Variants in BICDL2 observed in about 807,000 individuals in gnomAD.
BICDL2 encodes the protein BICD family like cargo adaptor 2.
Under a neutral mutation model 56.6 loss-of-function variants are expected in BICDL2, and 62 were observed. The ratio of observed to expected loss-of-function variants is 1.10; its 90% CI spans 0.89 to 1.35. The LOEUF (loss-of-function observed/expected upper bound fraction) is 1.35, where lower values mean the gene tolerates loss of function less well. Among genes scored for constraint, BICDL2 ranks in the 40% most tolerant of loss-of-function variants. The pLI, the probability that BICDL2 is intolerant of heterozygous loss-of-function variation, is 0.00. For missense variants in BICDL2, 808 were observed against 684.5 expected, an observed-to-expected ratio of 1.18 and a Z score of -2.01; for synonymous variants, 358 against 319.8, an observed-to-expected ratio of 1.12 and a Z score of -1.27.
intron 2 of BICDL2, chr16:3,031,708 C>A (rs924326940): frequency 2.0e-5 from 8 of 397,258 alleles, no homozygotes; most frequent in African/African-American, 1.2e-4. Flanking sequence ...CTGGCCCACT[C>A]TCTCTAGGCC....
chr16:3,036,303 G>C (rs1419480147), intron 1 of BICDL2: 1 of 451,884 alleles, frequency 2.2e-6, no homozygotes, highest in Non-Finnish European at 4.4e-6. Context: ...GCCGCAGCGC[G>C]GCTCGGAGTT....
chr16:3,030,174 G>A, intron 5 of BICDL2: 2 of 502,144 alleles, frequency 4.0e-6, no homozygotes, highest in East Asian at 3.3e-5. Context: ...TCTCCATTGC[G>A]CAGCCGTGGT....
chr16:3,036,424 A>G, intron 1 of BICDL2: 1 of 455,372 alleles, frequency 2.2e-6, no homozygotes, highest in Non-Finnish European at 4.4e-6. Context: ...CAACAGCTTT[A>G]CCAGCCCCAG....
intron 5 of BICDL2, 40 bp from the exon 6 acceptor site, chr16:3,029,779 G>T: frequency 6.9e-7 from 1 of 1,442,726 alleles, no homozygotes; most frequent in Non-Finnish European, 9.1e-7. Context: ...GGCGGTCAGC[G>T]GGACGCACGC....
At chr16:3,035,583 G>A (rs1955723946) in intron 1 of BICDL2, 57 bp from the exon 2 acceptor site, 3 of 1,447,760 alleles carry the variant, frequency 2.1e-6, no homozygotes, top group Non-Finnish European at 2.8e-6. Context: ...CCAGCACCTG[G>A]CCCTCCAGGA....
intron 1 of BICDL2, chr16:3,036,197 C>T (rs1460656724): frequency 2.3e-6 from 1 of 440,696 alleles, no homozygotes; most frequent in South Asian, 1.6e-5. Flanking sequence ...CCCACCCCTC[C>T]GGACTCAGGA....
intron 1 of BICDL2, 43 bp downstream of exon 1, chr16:3,036,851 C>T: frequency 3.3e-6 from 1 of 306,106 alleles, no homozygotes; most frequent in African/African-American, 2.4e-5. Context: ...AGGCCCTCCC[C>T]AGGCTCGAGG....
intron 5 of BICDL2, 69 bp from the exon 6 acceptor site, chr16:3,029,808 C>A: frequency 7.5e-7 from 1 of 1,339,122 alleles, no homozygotes; most frequent in Non-Finnish European, 9.9e-7. Context: ...CATCCCGCGG[C>A]AGGTCCACAC....
At chr16:3,033,260 G>A (rs1338722490) in intron 2 of BICDL2, among the ~76,000 whole-genome samples, 3 of 152,222 alleles carry the variant, frequency 2.0e-5, no homozygotes, top group African/African-American at 4.8e-5. Context: ...AGCCAAGATC[G>A]CACCACTGCA....
Position 3,030,468 on chromosome 16 carries a change from C to T in BICDL2, c.743G>A (p.Arg248Gln), listed in dbSNP as rs752841656. 45 of 1,602,162 alleles carry T rather than the reference C, an allele frequency of 2.8e-5. No individual in the cohort carries two copies. Among genetic ancestry groups the T allele is most frequent in the Admixed American group, 2.7e-4 (16 of 59,814 alleles). The stretch of plus-strand genomic sequence containing the variant: ...GGTCACCTCCAGGCTGTGCTCCCGC[C>T]GCTCCCGCCTCAGCAGCAGCAACTC... Reference protein sequence around the residue: ...HEELLLLRRERREHSLELERA... With the variant: ...HEELLLLRREQREHSLELERA... Residue 248 changes from arginine to glutamine, a missense_variant, in exon 5 of 10, where the codon CGG (arginine) becomes CAG (glutamine). Coordinates refer to ENST00000572449, the MANE Select transcript of BICDL2 (RefSeq NM_001369667.1).
chr16:3,034,670 T>TTCCTTCCG (rs1259758622), intron 2 of BICDL2, among the ~76,000 whole-genome samples: 1 of 145,280 alleles, frequency 6.9e-6, no homozygotes, highest in East Asian at 2.0e-4. Flanking sequence ...CCTTCCTTCC[T>TTCCTTCCG]TCCTTCCTTC....
intron 2 of BICDL2, 113 bp downstream of exon 2, chr16:3,035,102 T>C (rs1955711593): frequency 1.8e-6 from 2 of 1,126,956 alleles, no homozygotes; most frequent in South Asian, 3.1e-5. Flanking sequence ...CGCCCGGCTG[T>C]CCTCCCCAGC....
intron 1 of BICDL2, 93 bp from the exon 2 acceptor site, chr16:3,035,619 C>G (rs1382304069): frequency 5.9e-6 from 7 of 1,191,644 alleles, no homozygotes; most frequent in South Asian, 1.5e-5. Flanking sequence ...CCAGCCTGCC[C>G]GGTCCTGCAG....
intron 2 of BICDL2, chr16:3,031,441 G>C (rs1955653145): frequency 3.7e-6 from 2 of 535,220 alleles, no homozygotes; most frequent in Non-Finnish European, 6.6e-6. Context: ...CTGGACCTGA[G>C]GTCGCAAGCG....
At chr16:3,030,873 C>T (rs563343653) in intron 3 of BICDL2, 61 bp from the exon 4 acceptor site, 59 of 1,550,048 alleles carry the variant, frequency 3.8e-5, no homozygotes, top group Non-Finnish European at 4.9e-5. Context: ...ACCTACTCCC[C>T]GCTGGGGACC....
intron 2 of BICDL2, 110 bp from the exon 3 acceptor site, chr16:3,031,260 G>T: frequency 1.1e-6 from 1 of 928,058 alleles, no homozygotes; most frequent in Non-Finnish European, 1.6e-6. Context: ...GCCTAAGGGG[G>T]CCTTGTGTCC....
chr16:3,036,066 C>A, intron 1 of BICDL2: 1 of 336,498 alleles, frequency 3.0e-6, no homozygotes, highest in African/African-American at 2.2e-5. Flanking sequence ...CATTCTCCTG[C>A]TACCTCCTGA....
In BICDL2 at chr16:3,027,886, G is replaced by A; in HGVS notation, c.*220C>T. On this transcript the variant is annotated 3_prime_UTR_variant, in exon 10 of 10. Transcript: ENST00000572449. ...TAGACGTATATTAATTCGGAAAATAGCTCTGTTCACCTGCCCCTGCCACCC... is the reference window on the plus strand; with the variant it reads ...TAGACGTATATTAATTCGGAAAATAACTCTGTTCACCTGCCCCTGCCACCC... The A allele has an allele frequency of 1.2e-6, 1 of 824,226 alleles. No individual in the cohort carries two copies. The highest frequency in any genetic ancestry group is 1.8e-6 in the Non-Finnish European group (1 of 561,480). The allele number at this position is 824,226 out of a possible 1,614,324, so 51.1% of individuals were successfully genotyped here.
chr16:3,029,863 C>T, intron 5 of BICDL2, 124 bp from the exon 6 acceptor site: 1 of 822,070 alleles, frequency 1.2e-6, no homozygotes, highest in Non-Finnish European at 1.8e-6. Context: ...CCAGGCTGTT[C>T]CCGTTCCTGG....
Sources: gnomAD v4.1 joint callset for allele counts (sites outside exome capture counted in the v4.1 genomes callset) on GRCh38, gnomAD v4.1.1 for gene constraint, MANE v1.5 for transcripts, NCBI Gene and HGNC (gene_info 2026-07-23, HGNC 2026-07-21) for gene names.